Variants in CCDC178 observed in about 807,000 individuals in gnomAD.
CCDC178 encodes coiled-coil domain containing 178.
A neutral mutation model predicts 117.4 loss-of-function variants in CCDC178; 126 were observed. That is an observed-to-expected ratio of 1.07 (90% CI 0.93 to 1.24). CCDC178 has a LOEUF of 1.24. CCDC178 is among the 50% of genes most tolerant of loss of function. CCDC178 has a pLI of 0.00. For synonymous variants in CCDC178, 283 were observed against 313.4 expected, an observed-to-expected ratio of 0.90 and a Z score of 1.02; for missense variants, 1,030 against 986.9, an observed-to-expected ratio of 1.04 and a Z score of -0.59.
intron 5 of CCDC178, among the ~76,000 whole-genome samples, chr18:33,378,621 G>C (rs1221498795): frequency 6.6e-6 from 1 of 152,044 alleles, no homozygotes; most frequent in Admixed American, 6.6e-5. Flanking sequence ...TTTATGCCCT[G>C]TTTCTTGAAC....
chr18:33,028,788 T>C (rs1173700501), intron 21 of CCDC178, among the ~76,000 whole-genome samples: 1 of 151,798 alleles, frequency 6.6e-6, no homozygotes, highest in Non-Finnish European at 1.5e-5. Context: ...GCTCCTATTT[T>C]TTGGTTTTTA....
chr18:33,368,220 A>T (rs1178933497), intron 6 of CCDC178, among the ~76,000 whole-genome samples: 1 of 151,988 alleles, frequency 6.6e-6, no homozygotes, highest in Non-Finnish European at 1.5e-5. Flanking sequence ...AACAATAAAT[A>T]TTTATTAAAT....
At chr18:33,090,495 C>T (rs2057446998) in intron 21 of CCDC178, among the ~76,000 whole-genome samples, 1 of 152,138 alleles carries the variant, frequency 6.6e-6, no homozygotes, top group South Asian at 2.1e-4. Context: ...CTAAAACCTG[C>T]ATACATGGGA....
chr18:33,277,388 A>G (rs988924234), intron 12 of CCDC178, among the ~76,000 whole-genome samples: 1 of 152,322 alleles, frequency 6.6e-6, no homozygotes, highest in Middle Eastern at 3.4e-3. Context: ...TGCAAATTCT[A>G]TATGAGGAAA....
At chr18:33,348,743 T>C (rs2062929807) in intron 8 of CCDC178, 147 bp downstream of exon 8, 4 of 581,380 alleles carry the variant, frequency 6.9e-6, no homozygotes, top group East Asian at 6.1e-5. Flanking sequence ...CTTAATCAAA[T>C]GATATAGAGG....
chr18:33,001,520 GA>G (rs2055634178), intron 21 of CCDC178, among the ~76,000 whole-genome samples: 1 of 151,554 alleles, frequency 6.6e-6, no homozygotes, highest in East Asian at 1.9e-4. Flanking sequence ...CTCAAAAAAA[GA>G]AAAATAAATA....
chr18:33,314,637 A>G (rs1014831211), intron 11 of CCDC178, among the ~76,000 whole-genome samples: 1 of 152,228 alleles, frequency 6.6e-6, no homozygotes, highest in Admixed American at 6.5e-5. Context: ...TCAGGCCTAT[A>G]GAAACTGAAA....
At chr18:32,985,063 TAC>T (rs1422659732) in intron 21 of CCDC178, among the ~76,000 whole-genome samples, 2 of 151,958 alleles carry the variant, frequency 1.3e-5, no homozygotes, top group Non-Finnish European at 2.9e-5. Context: ...CTTTAAAAAT[TAC>T]ATTTACCTAA....
intron 21 of CCDC178, among the ~76,000 whole-genome samples, chr18:33,059,458 C>T (rs537649768): frequency 6.6e-6 from 1 of 152,052 alleles, no homozygotes; most frequent in East Asian, 1.9e-4. Flanking sequence ...TAGAGGTTTG[C>T]CCTGCAACTT....
At chr18:33,153,516 A>C (rs1427149902) in intron 20 of CCDC178, among the ~76,000 whole-genome samples, 1 of 152,116 alleles carries the variant, frequency 6.6e-6, no homozygotes, top group East Asian at 1.9e-4. Context: ...GTCTATACTT[A>C]TTTCTTTGAA....
intron 20 of CCDC178, among the ~76,000 whole-genome samples, chr18:33,116,593 C>G: frequency 6.6e-6 from 1 of 152,152 alleles, no homozygotes; most frequent in East Asian, 1.9e-4. Context: ...TTTTCAAGTC[C>G]GTCAGATTGC....
At chr18:33,405,310 T>C (rs1177094391) in intron 3 of CCDC178, among the ~76,000 whole-genome samples, 1 of 151,698 alleles carries the variant, frequency 6.6e-6, no homozygotes, top group Non-Finnish European at 1.5e-5. Flanking sequence ...TATAAATACA[T>C]CTATATCCAT....
intron 6 of CCDC178, among the ~76,000 whole-genome samples, chr18:33,360,178 A>C (rs1375942942): frequency 1.3e-5 from 2 of 151,076 alleles, no homozygotes; most frequent in Non-Finnish European, 3.0e-5. Context: ...GTTTCTCAAT[A>C]AGTTATATAT....
At chr18:33,327,059 T>C (rs943766511) in intron 10 of CCDC178, among the ~76,000 whole-genome samples, 1 of 152,128 alleles carries the variant, frequency 6.6e-6, no homozygotes, top group African/African-American at 2.4e-5. Context: ...AAAATAATAA[T>C]TTTAAAGAGT....
chr18:33,156,082 CTTTTTTT>C (rs755685926), intron 20 of CCDC178, among the ~76,000 whole-genome samples: 10 of 98,042 alleles, frequency 1.0e-4, no homozygotes, highest in Middle Eastern at 9.1e-3. Context: ...CTAGAAAACA[CTTTTTTT>C]TTTTTTTTTT....
Position 33,346,290 on chromosome 18 carries a change from T to G in CCDC178, c.579A>C (p.Ser193=). The G allele has an allele frequency of 6.2e-7, 1 of 1,613,986 alleles. No individual in the cohort carries two copies. The highest frequency in any genetic ancestry group is 8.5e-7 in the Non-Finnish European group (1 of 1,179,896). ...DAEEALKQQR[S]RKNMINMKID... Reference sequence around the variant, plus strand: ...TTTTCATGTTAATCATATTCTTTCTTGATCTCTGTTGTTTTAAAGCTTCTT... The same window carrying G: ...TTTTCATGTTAATCATATTCTTTCTGGATCTCTGTTGTTTTAAAGCTTCTT... The change falls in exon 9 of 23, where the codon TCA becomes TCC. Residue 193 remains serine, a synonymous_variant. Transcript: ENST00000383096.
At chr18:33,259,402 A>C (rs1255160130) in intron 14 of CCDC178, among the ~76,000 whole-genome samples, 1 of 152,198 alleles carries the variant, frequency 6.6e-6, no homozygotes, top group Admixed American at 6.5e-5. Context: ...ACTGGGTAAT[A>C]TATGAAGAAA....
At chr18:33,293,449 C>T in intron 11 of CCDC178, 137 bp from the exon 12 acceptor site, 1 of 445,588 alleles carries the variant, frequency 2.2e-6, no homozygotes, top group East Asian at 4.0e-5. Context: ...GGCTTGAGTC[C>T]AGGAGTTCAA....
At chr18:33,235,690 A>G (rs2059418418) in intron 15 of CCDC178, among the ~76,000 whole-genome samples, 1 of 152,106 alleles carries the variant, frequency 6.6e-6, no homozygotes, top group Non-Finnish European at 1.5e-5. Context: ...AAACCCTTCG[A>G]GATTATGCAG....
Sources: allele counts gnomAD v4.1 joint callset (sites outside exome capture counted in the v4.1 genomes callset), GRCh38; gene constraint gnomAD v4.1.1; transcripts MANE v1.5; gene names NCBI Gene and HGNC (gene_info 2026-07-23, HGNC 2026-07-21).